HS3ST2: variants seen among roughly 807,000 people sequenced by gnomAD.
HS3ST2 encodes the protein heparan sulfate-glucosamine 3-sulfotransferase 2.
A neutral mutation model predicts 26.3 loss-of-function variants in HS3ST2; 17 were observed. The observed-to-expected ratio is 0.65, with a 90% CI of 0.44 to 0.97. HS3ST2 has a LOEUF of 0.97. Among genes scored for constraint, HS3ST2 ranks in the 50% least tolerant of loss-of-function variants. HS3ST2 has a pLI of 0.00. For synonymous variants in HS3ST2, 237 were observed against 219.2 expected (o/e 1.08, Z -0.72); for missense variants, 402 against 501.2 (o/e 0.80, Z 1.89).
intron 1 of HS3ST2, among the ~76,000 whole-genome samples, chr16:22,823,249 C>T (rs958795467): frequency 1.3e-5 from 2 of 152,130 alleles, no homozygotes; most frequent in African/African-American, 4.8e-5. Context: ...GCAGTGATTT[C>T]CATCTTTGCT....
At position 22,889,906 on chromosome 16, in the gene HS3ST2, AT is replaced by A. The variant is rs1902107927; in HGVS notation, c.486-25032del. Among the ~76,000 whole-genome samples, 5 of 152,310 alleles carry A rather than the reference AT, an allele frequency of 3.3e-5. No individual in the cohort carries two copies. In the South Asian group the frequency reaches 1.0e-3, roughly 32 times the overall value. On this transcript the variant is annotated intron_variant, in intron 1 of 1. Transcript: ENST00000261374. ...GAAATAACAGACTTTTGACAAAAAT[AT>A]TTTTTAAAAAATAAAGTAAAATACA...
chr16:22,866,369 C>CGT (rs55757233), intron 1 of HS3ST2, among the ~76,000 whole-genome samples: 34,479 of 143,490 alleles, frequency 0.24, 4,095 homozygotes, highest in Non-Finnish European at 0.29. Flanking sequence ...ATATGGTGTG[C>CGT]GTGTGTGTGT....
chr16:22,839,053 C>G (rs1036658680), intron 1 of HS3ST2, among the ~76,000 whole-genome samples: 3 of 152,194 alleles, frequency 2.0e-5, no homozygotes, highest in Non-Finnish European at 2.9e-5. Context: ...CCTGCATTGC[C>G]TCTGACAACC....
chr16:22,829,263 T>G (rs1901135327), intron 1 of HS3ST2, among the ~76,000 whole-genome samples: 1 of 152,190 alleles, frequency 6.6e-6, no homozygotes, highest in Admixed American at 6.5e-5. Flanking sequence ...CTCAACATCC[T>G]TAGGGATTCT....
chr16:22,890,964 C>T (rs975102763), intron 1 of HS3ST2, among the ~76,000 whole-genome samples: 1 of 152,170 alleles, frequency 6.6e-6, no homozygotes, highest in African/African-American at 2.4e-5. Context: ...CAGAAAAGGG[C>T]CAGAGTTTGC....
chr16:22,902,183 C>T (rs942653634), intron 1 of HS3ST2, among the ~76,000 whole-genome samples: 1 of 152,120 alleles, frequency 6.6e-6, no homozygotes, highest in Non-Finnish European at 1.5e-5. Context: ...ATGTTGATTC[C>T]TTTAGGTGTC....
intron 1 of HS3ST2, among the ~76,000 whole-genome samples, chr16:22,861,162 C>T (rs1480473378): frequency 6.6e-6 from 1 of 152,158 alleles, no homozygotes; most frequent in Non-Finnish European, 1.5e-5. Flanking sequence ...CAGGCATGAG[C>T]CACTATACTC....
At chr16:22,845,071 G>A (rs1901412344) in intron 1 of HS3ST2, among the ~76,000 whole-genome samples, 1 of 147,884 alleles carries the variant, frequency 6.8e-6, no homozygotes, top group Non-Finnish European at 1.5e-5. Flanking sequence ...AGTTAGGATG[G>A]TCTGGATCTC....
chr16:22,898,354 G>A (rs1164291521), intron 1 of HS3ST2, among the ~76,000 whole-genome samples: 1 of 152,208 alleles, frequency 6.6e-6, no homozygotes, highest in African/African-American at 2.4e-5. Context: ...GGGGTCCACA[G>A]TCTAACCTGA....
intron 1 of HS3ST2, among the ~76,000 whole-genome samples, chr16:22,819,228 T>G (rs1038545058): frequency 6.7e-6 from 1 of 148,738 alleles, no homozygotes; most frequent in Non-Finnish European, 1.5e-5. Flanking sequence ...TCCTTCCATG[T>G]TAACAGAAAG....
At chr16:22,832,645 G>T (rs1288191027) in intron 1 of HS3ST2, among the ~76,000 whole-genome samples, 1 of 151,898 alleles carries the variant, frequency 6.6e-6, no homozygotes, top group East Asian at 1.9e-4. Context: ...TCAGGATACT[G>T]GAAGGCAGCT....
Position 22,914,959 on chromosome 16 carries a change from G to C in HS3ST2, c.501G>C (p.Arg167Ser). 6.2e-7 allele frequency: 1 copy of C among 1,612,098 alleles called. No individual in the cohort carries two copies. Among genetic ancestry groups the C allele is most frequent in the Non-Finnish European group, 8.5e-7 (1 of 1,179,616 alleles). Residue 167 changes from arginine (R) to serine (S), a missense_variant, in exon 2 of 2, where the codon AGG (arginine) becomes AGC (serine). This residue lies in a region of HS3ST2 where 237 missense variants were observed against 346.6 expected (regional missense o/e 0.68). Transcript: ENST00000261374. ...GCCCACACAGGAGCCTGATGCCCAGGACCCTCGAGAGCCAGATCACGCTGG... is the reference window on the plus strand; with the variant it reads ...GCCCACACAGGAGCCTGATGCCCAGCACCCTCGAGAGCCAGATCACGCTGG... ...GLDWYRSLMPRTLESQITLEK... is the reference protein window; with the variant it reads ...GLDWYRSLMPSTLESQITLEK...
At chr16:22,881,074 A>AG (rs1411422940) in intron 1 of HS3ST2, among the ~76,000 whole-genome samples, 3 of 152,248 alleles carry the variant, frequency 2.0e-5, no homozygotes, top group African/African-American at 7.2e-5. Flanking sequence ...ACCAAAGGAC[A>AG]GATCTCCATT....
chr16:22,915,632 TCTG>T lies in HS3ST2; in HGVS notation c.*71_*73del. ...TTCCGTGAGATTTGCTCCCAGACCCTCTGATCTCCCTCCAACAAACCCTGGCTC... is the reference window on the plus strand; with the variant it reads ...TTCCGTGAGATTTGCTCCCAGACCCTATCTCCCTCCAACAAACCCTGGCTC... On this transcript the variant is annotated 3_prime_UTR_variant, in exon 2 of 2. Transcript: ENST00000261374. The T allele has an allele frequency of 6.7e-7, 1 of 1,500,394 alleles. No homozygotes were observed. Among genetic ancestry groups the T allele is most frequent in the African/African-American group, 1.4e-5 (1 of 71,660 alleles). The allele number at this position is 1,500,394 out of a possible 1,614,324, so 92.9% of individuals were successfully genotyped here.
At chr16:22,865,635 ATGC>A (rs1478997540) in intron 1 of HS3ST2, among the ~76,000 whole-genome samples, 1 of 152,202 alleles carries the variant, frequency 6.6e-6, no homozygotes, top group Non-Finnish European at 1.5e-5. Context: ...CAGGCTATTT[ATGC>A]TGTTTCAGAA....
intron 1 of HS3ST2, among the ~76,000 whole-genome samples, chr16:22,890,173 A>G (rs1415312413): frequency 1.3e-5 from 2 of 152,226 alleles, no homozygotes; most frequent in African/African-American, 4.8e-5. Context: ...TTAACTAATA[A>G]TTAGTTACAT....
At chr16:22,872,682 C>T (rs1406150471) in intron 1 of HS3ST2, among the ~76,000 whole-genome samples, 4 of 152,118 alleles carry the variant, frequency 2.6e-5, no homozygotes, top group East Asian at 1.9e-4. Flanking sequence ...GCAACTCTGA[C>T]GTGGACCGCT....
chr16:22,895,529 C>A (rs1405722745), intron 1 of HS3ST2, among the ~76,000 whole-genome samples: 2 of 152,140 alleles, frequency 1.3e-5, no homozygotes. Context: ...AATGTATCTT[C>A]ACCTCTCCAT....
At chr16:22,859,778 G>A (rs190567028) in intron 1 of HS3ST2, among the ~76,000 whole-genome samples, 2 of 152,284 alleles carry the variant, frequency 1.3e-5, no homozygotes, top group East Asian at 3.9e-4. Flanking sequence ...AGTATTAAGT[G>A]AGAGTGCAGG....
Sources: allele counts gnomAD v4.1 joint callset (sites outside exome capture counted in the v4.1 genomes callset), GRCh38; gene constraint gnomAD v4.1.1; regional missense constraint gnomAD v4.1.1; transcripts MANE v1.5; gene names NCBI Gene and HGNC (gene_info 2026-07-23, HGNC 2026-07-21).